The following MBNL2 variants were observed in gnomAD, a reference collection of about 807,000 sequenced individuals.
The protein encoded by MBNL2 is muscleblind like splicing regulator 2, also known as muscleblind-like protein 2.
A neutral mutation model predicts 41.9 loss-of-function variants in MBNL2; 17 were observed. That is an observed-to-expected ratio of 0.41 (90% CI 0.28 to 0.61). The LOEUF is 0.61. MBNL2 is among the 20% of genes least tolerant of loss of function. MBNL2 has a pLI of 0.35. For missense variants in MBNL2, 336 were observed against 505.6 expected (o/e 0.66, Z 3.22); for synonymous variants, 195 against 182.9 (o/e 1.07, Z -0.53).
intron 8 of MBNL2, among the ~76,000 whole-genome samples, chr13:97,365,759 A>G (rs2063796190): frequency 3.9e-5 from 6 of 152,214 alleles, no homozygotes; most frequent in Admixed American, 3.9e-4. Flanking sequence ...CCTCACACAC[A>G]TGAATGCCTT....
At chr13:97,359,200 T>C (rs2063208835) in intron 7 of MBNL2, among the ~76,000 whole-genome samples, 1 of 152,084 alleles carries the variant, frequency 6.6e-6, no homozygotes, top group South Asian at 2.1e-4. Flanking sequence ...GAAGGTAAAC[T>C]TACGTTAATG....
the MBNL2 span, among the ~76,000 whole-genome samples, chr13:97,211,294 G>A: frequency 1.3e-5 from 2 of 152,172 alleles, no homozygotes; most frequent in Non-Finnish European, 2.9e-5. Flanking sequence ...CTATTTGTAA[G>A]TGATTAGGCT....
At chr13:97,293,893 A>G (rs1594169300) in intron 2 of MBNL2, among the ~76,000 whole-genome samples, 1 of 151,924 alleles carries the variant, frequency 6.6e-6, no homozygotes, top group East Asian at 1.9e-4. Context: ...ATTTTGGTGC[A>G]CCCATCACCC....
chr13:97,173,611 C>T, the MBNL2 span, among the ~76,000 whole-genome samples: 2 of 150,398 alleles, frequency 1.3e-5, no homozygotes, highest in South Asian at 4.3e-4. Flanking sequence ...CCAAATCAGA[C>T]ATGTCACTCC....
the MBNL2 span, among the ~76,000 whole-genome samples, chr13:97,153,170 A>G: frequency 2.6e-5 from 4 of 152,212 alleles, no homozygotes; most frequent in Non-Finnish European, 5.9e-5. Context: ...GAAATGTAAT[A>G]ATAGTACATT....
intron 8 of MBNL2, among the ~76,000 whole-genome samples, chr13:97,386,000 T>C (rs923965321): frequency 3.3e-5 from 5 of 152,218 alleles, no homozygotes; most frequent in African/African-American, 7.2e-5. Context: ...AAATCCATCA[T>C]CACATGGCAG....
the MBNL2 span, among the ~76,000 whole-genome samples, chr13:97,180,740 TAAAA>T: frequency 2.3e-5 from 2 of 86,006 alleles, no homozygotes; most frequent in Non-Finnish European, 4.5e-5. Context: ...AGACTCCATC[TAAAA>T]AAAAAAAAAA....
chr13:97,376,981 T>G (rs2065022286), intron 8 of MBNL2, among the ~76,000 whole-genome samples: 1 of 152,162 alleles, frequency 6.6e-6, no homozygotes, highest in South Asian at 2.1e-4. Context: ...TTCCCAACAC[T>G]GCCTTCCTGA....
At chr13:97,167,525 A>G in the MBNL2 span, among the ~76,000 whole-genome samples, 841 of 152,358 alleles carry the variant, frequency 5.5e-3, 9 homozygotes, top group African/African-American at 0.019. Context: ...CTTTATTTAT[A>G]AAAGTCTATT....
At chr13:97,159,777 G>C in the MBNL2 span, among the ~76,000 whole-genome samples, 1 of 151,666 alleles carries the variant, frequency 6.6e-6, no homozygotes, top group African/African-American at 2.4e-5. Flanking sequence ...CTGTTAGTCT[G>C]ATGGGCTTCC....
chr13:97,200,354 C>T, the MBNL2 span, among the ~76,000 whole-genome samples: 4 of 152,196 alleles, frequency 2.6e-5, no homozygotes, highest in Non-Finnish European at 1.5e-5. Context: ...ACTCAGGATG[C>T]AGGAAAGATG....
At chr13:97,323,227 G>A (rs1201057155) in intron 2 of MBNL2, among the ~76,000 whole-genome samples, 2 of 152,202 alleles carry the variant, frequency 1.3e-5, no homozygotes, top group Non-Finnish European at 2.9e-5. Flanking sequence ...TTTGAAAAAG[G>A]CTGTAACAGA....
intron 4 of MBNL2, among the ~76,000 whole-genome samples, chr13:97,343,871 A>G (rs1005404845): frequency 6.6e-6 from 1 of 152,148 alleles, no homozygotes; most frequent in Non-Finnish European, 1.5e-5. Context: ...CAATGGTGCA[A>G]TCTTGGCTCA....
chr13:97,161,878 T>A, the MBNL2 span, among the ~76,000 whole-genome samples: 1 of 152,312 alleles, frequency 6.6e-6, no homozygotes, highest in East Asian at 1.9e-4. Flanking sequence ...AGATAAAAAA[T>A]TTAATGCAGG....
intron 8 of MBNL2, among the ~76,000 whole-genome samples, chr13:97,374,775 G>A (rs1486805864): frequency 1.3e-5 from 2 of 152,106 alleles, no homozygotes; most frequent in Non-Finnish European, 2.9e-5. Context: ...TTTGTTGATG[G>A]TAGTAAAATC....
chr13:97,333,468 G>C (rs796564422), intron 2 of MBNL2, among the ~76,000 whole-genome samples: 2 of 152,220 alleles, frequency 1.3e-5, no homozygotes, highest in African/African-American at 4.8e-5. Context: ...CATCAGATTT[G>C]ATACTCCTGT....
intron 1 of MBNL2, among the ~76,000 whole-genome samples, chr13:97,244,534 C>A (rs887145233): frequency 5.3e-5 from 8 of 152,158 alleles, no homozygotes; most frequent in Non-Finnish European, 1.0e-4. Flanking sequence ...GAAACTTTGA[C>A]TTTTTTCATG....
At chr13:97,175,625 T>A in the MBNL2 span, among the ~76,000 whole-genome samples, 1 of 152,184 alleles carries the variant, frequency 6.6e-6, no homozygotes, top group African/African-American at 2.4e-5. Context: ...TAATCAGGTA[T>A]TTAAAAGCTA....
At chr13:97,227,564 G>T (rs1421492128) in intron 1 of MBNL2, among the ~76,000 whole-genome samples, 2 of 152,158 alleles carry the variant, frequency 1.3e-5, no homozygotes, top group Admixed American at 1.3e-4. Context: ...TTAAAAAGTG[G>T]GAGTCTAAAC....
Sources: gnomAD v4.1 joint callset for allele counts (sites outside exome capture counted in the v4.1 genomes callset) on GRCh38, gnomAD v4.1.1 for gene constraint, MANE v1.5 for transcripts, NCBI Gene and HGNC (gene_info 2026-07-23, HGNC 2026-07-21) for gene names.